Variants in RIT2 observed in about 807,000 individuals in gnomAD.
RIT2 encodes Ras like without CAAX 2.
Under a neutral mutation model 23.7 loss-of-function variants are expected in RIT2, and 24 were observed. The observed-to-expected ratio is 1.01, with a 90% CI of 0.73 to 1.43. The LOEUF is 1.43. Ranked by LOEUF, RIT2 falls within the 40% of genes most tolerant of loss-of-function variation. The pLI, the probability that RIT2 is intolerant of heterozygous loss-of-function variation, is 0.00. For synonymous variants in RIT2, 107 were observed against 91.1 expected (o/e 1.17, Z -0.99); for missense variants, 236 against 266.9 (o/e 0.88, Z 0.81).
Position 43,099,248 on chromosome 18 carries a change from C to T in RIT2, c.103+16169G>A, listed in dbSNP as rs534345481. Among the ~76,000 whole-genome samples, 12 of 152,140 alleles carry T rather than the reference C, an allele frequency of 7.9e-5. No homozygotes were observed. In the South Asian group the frequency reaches 2.3e-3, roughly 29 times the overall value. ...GGCTGGAAAGCTATAGAACTCAATA[C>T]ATCTATACTGCATATTAAATGAATG... On this transcript the variant is annotated intron_variant, in intron 1 of 4. Transcript: ENST00000326695.
intron 3 of RIT2, among the ~76,000 whole-genome samples, chr18:42,929,034 G>GATATATATATATATATAT (rs770619793): frequency 0.026 from 2,463 of 96,404 alleles, 65 homozygotes; most frequent in East Asian, 0.056. Context: ...AAAATATGGA[G>GATATATATATATATATAT]ATATATATAT....
At chr18:42,828,209 T>C (rs1315936071) in intron 4 of RIT2, among the ~76,000 whole-genome samples, 1 of 152,144 alleles carries the variant, frequency 6.6e-6, no homozygotes, top group South Asian at 2.1e-4. Context: ...TTTGTCAATA[T>C]TTTGTATGTT....
intron 3 of RIT2, among the ~76,000 whole-genome samples, chr18:42,963,227 A>G (rs568824139): frequency 1.3e-5 from 2 of 152,320 alleles, no homozygotes; most frequent in African/African-American, 4.8e-5. Context: ...TATGTTTAAT[A>G]GAAAATAGTC....
chr18:43,025,276 C>G (rs1003161270), intron 2 of RIT2, among the ~76,000 whole-genome samples: 3 of 149,614 alleles, frequency 2.0e-5, no homozygotes, highest in African/African-American at 4.9e-5. Context: ...AATAGCAGAT[C>G]TTGGTGAGGA....
intron 4 of RIT2, among the ~76,000 whole-genome samples, chr18:42,756,645 G>T (rs1214096114): frequency 6.6e-6 from 1 of 151,964 alleles, no homozygotes; most frequent in Non-Finnish European, 1.5e-5. Flanking sequence ...ATAAATGCAG[G>T]ACCTTGAACG....
chr18:42,822,049 G>T (rs1479367577), intron 4 of RIT2, among the ~76,000 whole-genome samples: 3 of 152,206 alleles, frequency 2.0e-5, no homozygotes, highest in East Asian at 3.9e-4. Context: ...ATGCCCTCCT[G>T]CAGGAATCCA....
intron 2 of RIT2, among the ~76,000 whole-genome samples, chr18:42,976,069 A>G (rs963574407): frequency 1.3e-5 from 2 of 152,026 alleles, no homozygotes; most frequent in Non-Finnish European, 2.9e-5. Flanking sequence ...TAATTTCCAC[A>G]TGTTGTAAAT....
At chr18:42,926,950 T>C (rs889123233) in intron 3 of RIT2, among the ~76,000 whole-genome samples, 5 of 151,916 alleles carry the variant, frequency 3.3e-5, no homozygotes, top group African/African-American at 1.2e-4. Context: ...AACCTCTCTG[T>C]GCCTCAATTT....
chr18:42,793,090 T>C (rs1051769312), intron 4 of RIT2, among the ~76,000 whole-genome samples: 1 of 152,136 alleles, frequency 6.6e-6, no homozygotes, highest in Non-Finnish European at 1.5e-5. Flanking sequence ...TCAATAATAA[T>C]GTATTTATTA....
intron 1 of RIT2, among the ~76,000 whole-genome samples, chr18:43,047,636 T>C (rs568118539): frequency 2.0e-5 from 3 of 152,094 alleles, no homozygotes; most frequent in East Asian, 3.9e-4. Flanking sequence ...TAAACTAACA[T>C]ATGAGGAGTC....
chr18:42,970,956 T>A lies in RIT2; in HGVS notation c.234+3118A>T, dbSNP rs1036966353. ...GCTTGCAATGGGCAAGGGAAATATA[T>A]CACTTGGTCTCTTTTACAAGCACAA... On this transcript the variant is annotated intron_variant, in intron 3 of 4. Coordinates refer to ENST00000326695, the MANE Select transcript of RIT2 (RefSeq NM_002930.4). 5.9e-5 allele frequency among the ~76,000 whole-genome samples: 9 copies of A among 152,058 alleles called. No individual in the cohort carries two copies. In the East Asian group the frequency reaches 1.7e-3, roughly 29 times the overall value.
At chr18:43,058,187 T>C (rs1458813409) in intron 1 of RIT2, among the ~76,000 whole-genome samples, 2 of 152,190 alleles carry the variant, frequency 1.3e-5, no homozygotes, top group South Asian at 4.1e-4. Context: ...TGATGTGTCC[T>C]TTTTTTATGT....
chr18:43,069,682 T>G (rs1260404303), intron 1 of RIT2, among the ~76,000 whole-genome samples: 3 of 152,154 alleles, frequency 2.0e-5, no homozygotes, highest in African/African-American at 7.2e-5. Flanking sequence ...TGACACTTAA[T>G]ATAAAATCTG....
intron 2 of RIT2, among the ~76,000 whole-genome samples, chr18:42,998,224 C>A (rs564818066): frequency 6.6e-6 from 1 of 152,078 alleles, no homozygotes; most frequent in Admixed American, 6.6e-5. Flanking sequence ...GCTTTAAGAA[C>A]CACCTCAAAT....
chr18:42,981,627 C>A (rs369608924), intron 2 of RIT2, among the ~76,000 whole-genome samples: 1 of 151,280 alleles, frequency 6.6e-6, no homozygotes, highest in Non-Finnish European at 1.5e-5. Flanking sequence ...ATGTTGAAAT[C>A]CTGGAAGATC....
At chr18:42,859,127 C>CT (rs1907261709) in intron 4 of RIT2, among the ~76,000 whole-genome samples, 1 of 152,146 alleles carries the variant, frequency 6.6e-6, no homozygotes, top group South Asian at 2.1e-4. Flanking sequence ...TGAGGAACTG[C>CT]TGAACTTTGT....
chr18:42,964,061 T>A (rs1910154760), intron 3 of RIT2, among the ~76,000 whole-genome samples: 1 of 151,554 alleles, frequency 6.6e-6, no homozygotes, highest in Admixed American at 6.6e-5. Flanking sequence ...CGCGGTGATG[T>A]GCACCTGTAA....
chr18:42,752,299 T>C (rs924825007), intron 4 of RIT2, among the ~76,000 whole-genome samples: 2 of 152,172 alleles, frequency 1.3e-5, no homozygotes, highest in Non-Finnish European at 2.9e-5. Flanking sequence ...GCATAAGATA[T>C]CTTGTCTATC....
At chr18:42,991,550 A>G (rs976667188) in intron 2 of RIT2, among the ~76,000 whole-genome samples, 1 of 152,190 alleles carries the variant, frequency 6.6e-6, no homozygotes. Flanking sequence ...ACCTGCATGT[A>G]CAGGGACGAG....
Sources: allele counts gnomAD v4.1 joint callset (sites outside exome capture counted in the v4.1 genomes callset), GRCh38; gene constraint gnomAD v4.1.1; transcripts MANE v1.5; gene names NCBI Gene and HGNC (gene_info 2026-07-23, HGNC 2026-07-21).